The following SGIP1 variants were observed in gnomAD, a reference collection of about 807,000 sequenced individuals.
SGIP1 encodes the protein SH3-containing GRB2-like protein 3-interacting protein 1.
SGIP1 carries 38 observed loss-of-function variants against 107.5 expected under a neutral mutation model. The ratio of observed to expected loss-of-function variants is 0.35; its 90% confidence interval spans 0.27 to 0.46. SGIP1 has a LOEUF of 0.46. Ranked by LOEUF, SGIP1 falls within the 20% of genes least tolerant of loss-of-function variation. SGIP1 has a pLI of 1.00. For missense variants in SGIP1, 929 were observed against 1,019.5 expected, an observed-to-expected ratio of 0.91 and a Z score of 1.21; for synonymous variants, 365 against 366.1, an observed-to-expected ratio of 1.00 and a Z score of 0.03.
intron 13 of SGIP1, among the ~76,000 whole-genome samples, chr1:66,678,676 G>A (rs1416789634): frequency 1.3e-5 from 2 of 152,092 alleles, no homozygotes; most frequent in African/African-American, 4.8e-5. Flanking sequence ...CTTATTGTGT[G>A]GAAGAACAGG....
At chr1:66,539,194 G>A (rs2148009523) in intron 1 of SGIP1, among the ~76,000 whole-genome samples, 1 of 152,318 alleles carries the variant, frequency 6.6e-6, no homozygotes, top group East Asian at 1.9e-4. Flanking sequence ...ATGTGTCTGA[G>A]TAAGTCCCAT....
chr1:66,646,083 C>T lies in SGIP1; in HGVS notation c.459+2364C>T, dbSNP rs1178017030. Among the ~76,000 whole-genome samples, 9 of 152,290 alleles carry T rather than the reference C, an allele frequency of 5.9e-5. No homozygotes were observed. The East Asian group carries it at 1.2e-3, about 20-fold the overall frequency. ...CTCGAATTGCTGACCTCAGGTGATT[C>T]GTCCGCCTTAGCTTCCCAAAGTGCT... On this transcript the variant is annotated intron_variant, in intron 7 of 24. Coordinates refer to ENST00000371037, the MANE Select transcript of SGIP1 (RefSeq NM_032291.4).
intron 3 of SGIP1, chr1:66,634,018 T>C (rs774532401): frequency 7.8e-5 from 110 of 1,413,866 alleles, no homozygotes; most frequent in Non-Finnish European, 9.6e-5. Context: ...CCATGAAATG[T>C]TAAGAAAATA....
intron 3 of SGIP1, 77 bp downstream of exon 3, chr1:66,633,171 T>C (rs148203836): frequency 2.0e-6 from 2 of 1,001,772 alleles, no homozygotes; most frequent in Non-Finnish European, 3.1e-6. Context: ...AAGCCCTTTT[T>C]TTTTCCTGTA....
intron 8 of SGIP1, among the ~76,000 whole-genome samples, chr1:66,665,308 T>C (rs1039689643): frequency 6.6e-6 from 1 of 152,242 alleles, no homozygotes; most frequent in Non-Finnish European, 1.5e-5. Context: ...GAACCCATCC[T>C]TTTTATGGCT....
intron 1 of SGIP1, among the ~76,000 whole-genome samples, chr1:66,543,915 C>T (rs572544125): frequency 6.0e-4 from 92 of 152,220 alleles, no homozygotes; most frequent in African/African-American, 2.1e-3. Flanking sequence ...AGTTTTTTCT[C>T]AACCTATATA....
At chr1:66,731,312 G>T (rs982504950) in intron 20 of SGIP1, among the ~76,000 whole-genome samples, 1 of 152,098 alleles carries the variant, frequency 6.6e-6, no homozygotes, top group Non-Finnish European at 1.5e-5. Context: ...GGAATTATGT[G>T]CCAATATCTT....
chr1:66,682,173 G>T lies in SGIP1; in HGVS notation c.1119G>T (p.Pro373=), dbSNP rs146442727. ...GGCCTCCTCGCAATGTACTATCGCC[G>T]CTCAATTTAGAAGAAGTCCAGAAGA... The part of the protein sequence containing the change: ...PPGPPRNVLS[P]LNLEEVQKKV... The change falls in exon 15 of 25, where the codon CCG becomes CCT. Residue 373 remains proline, a synonymous_variant. Transcript: ENST00000371037. The T allele has an allele frequency of 5.0e-6, 8 of 1,614,142 alleles. No homozygotes were observed. The highest frequency in any genetic ancestry group is 5.1e-6 in the Non-Finnish European group (6 of 1,180,034).
chr1:66,689,360 G>C, intron 16 of SGIP1, 85 bp downstream of exon 16: 1 of 1,508,606 alleles, frequency 6.6e-7, no homozygotes, highest in South Asian at 1.3e-5. Flanking sequence ...TAAGCGTTTA[G>C]AGAACTCGTA....
chr1:66,673,598 T>C (rs961491922), intron 12 of SGIP1, among the ~76,000 whole-genome samples: 5 of 152,330 alleles, frequency 3.3e-5, no homozygotes, highest in African/African-American at 1.2e-4. Context: ...AGAAGCTCAT[T>C]CTTCAAAACA....
intron 15 of SGIP1, among the ~76,000 whole-genome samples, chr1:66,687,219 C>G (rs2088574268): frequency 1.3e-5 from 2 of 151,926 alleles, no homozygotes; most frequent in Non-Finnish European, 2.9e-5. Context: ...TGGAAACAGA[C>G]CTACAGATAG....
intron 2 of SGIP1, 164 bp downstream of exon 2, chr1:66,626,074 T>G (rs902579305): frequency 2.4e-6 from 1 of 424,664 alleles, no homozygotes; most frequent in Admixed American, 4.4e-5. Context: ...GTTCTTAGAT[T>G]TATGCTAAAA....
At chr1:66,699,552 C>A (rs1038758022) in intron 18 of SGIP1, among the ~76,000 whole-genome samples, 20 of 152,124 alleles carry the variant, frequency 1.3e-4, no homozygotes, top group Admixed American at 1.3e-3. Context: ...ACACCTCTGG[C>A]CACATCCTGG....
chr1:66,646,518 C>A (rs1365536270), intron 7 of SGIP1, among the ~76,000 whole-genome samples: 2 of 152,072 alleles, frequency 1.3e-5, no homozygotes, highest in Admixed American at 6.5e-5. Flanking sequence ...CTCACTTATT[C>A]TTTTCATTTA....
chr1:66,721,620 G>T (rs2093540891), intron 19 of SGIP1, among the ~76,000 whole-genome samples: 1 of 152,018 alleles, frequency 6.6e-6, no homozygotes, highest in African/African-American at 2.4e-5. Context: ...TATTGCCCAG[G>T]CTGGTCTTGA....
intron 1 of SGIP1, among the ~76,000 whole-genome samples, chr1:66,569,302 T>C (rs2060072017): frequency 6.6e-6 from 1 of 152,004 alleles, no homozygotes; most frequent in South Asian, 2.1e-4. Context: ...GCTTTCTTTC[T>C]GATCCTGGTA....
At chr1:66,722,229 C>T (rs75657193) in intron 19 of SGIP1, among the ~76,000 whole-genome samples, 3,006 of 152,230 alleles carry the variant, frequency 0.02, 96 homozygotes, top group African/African-American at 0.068. Flanking sequence ...TTCTGAGTGA[C>T]TTGTCCCCTC....
intron 7 of SGIP1, among the ~76,000 whole-genome samples, chr1:66,655,464 CTAAA>C (rs2079563247): frequency 6.6e-6 from 1 of 152,180 alleles, no homozygotes; most frequent in Admixed American, 6.5e-5. Flanking sequence ...TTCTAAAATA[CTAAA>C]TACTTTCCTT....
chr1:66,692,931 C>T (rs1017785057), intron 17 of SGIP1, among the ~76,000 whole-genome samples: 5 of 152,006 alleles, frequency 3.3e-5, no homozygotes, highest in East Asian at 1.9e-4. Flanking sequence ...TTGTCACACT[C>T]GAATGAAGAA....
Sources: allele counts gnomAD v4.1 joint callset (sites outside exome capture counted in the v4.1 genomes callset), GRCh38; gene constraint gnomAD v4.1.1; transcripts MANE v1.5; gene names NCBI Gene and HGNC (gene_info 2026-07-23, HGNC 2026-07-21).